The following DDX10 variants were observed in gnomAD, a reference collection of about 807,000 sequenced individuals.
The protein encoded by DDX10 is probable ATP-dependent RNA helicase DDX10.
In DDX10, 74 loss-of-function variants were observed where a neutral mutation model predicts 104.3. The observed-to-expected ratio is 0.71, with a 90% CI of 0.59 to 0.86. The LOEUF (loss-of-function observed/expected upper bound fraction) is 0.86, where lower values mean the gene tolerates loss of function less well. DDX10 is among the 40% of genes least tolerant of loss of function. The pLI is 0.00. For missense variants in DDX10, 952 were observed against 1,040.0 expected (o/e 0.92, Z 1.16); for synonymous variants, 351 against 353.4 (o/e 0.99, Z 0.08).
chr11:108,803,281 C>A (rs961483611), intron 13 of DDX10, among the ~76,000 whole-genome samples: 2 of 146,530 alleles, frequency 1.4e-5, no homozygotes, highest in Non-Finnish European at 3.0e-5. Flanking sequence ...TTTTAAAGAA[C>A]CTTGGAACCT....
intron 16 of DDX10, among the ~76,000 whole-genome samples, chr11:108,861,885 G>T (rs760209193): frequency 2.0e-5 from 3 of 152,106 alleles, no homozygotes; most frequent in Admixed American, 6.6e-5. Flanking sequence ...AATTAGCTGG[G>T]CATTGCGGTG....
chr11:108,778,688 A>G (rs1367510111), intron 13 of DDX10, among the ~76,000 whole-genome samples: 4 of 152,248 alleles, frequency 2.6e-5, no homozygotes, highest in Non-Finnish European at 5.9e-5. Context: ...GCCAAAATTG[A>G]CAAATGGGAT....
intron 13 of DDX10, among the ~76,000 whole-genome samples, chr11:108,747,236 A>G (rs978478392): frequency 1.3e-5 from 2 of 152,188 alleles, no homozygotes; most frequent in African/African-American, 4.8e-5. Flanking sequence ...GGTTATATAT[A>G]CAATAATTTA....
intron 15 of DDX10, among the ~76,000 whole-genome samples, chr11:108,844,605 G>C (rs1382391440): frequency 6.6e-6 from 1 of 152,212 alleles, no homozygotes; most frequent in Non-Finnish European, 1.5e-5. Context: ...GTGCTGTACT[G>C]TGGAATAACC....
At chr11:108,834,496 T>G (rs911735892) in intron 13 of DDX10, among the ~76,000 whole-genome samples, 1 of 152,192 alleles carries the variant, frequency 6.6e-6, no homozygotes, top group African/African-American at 2.4e-5. Context: ...TACATACACC[T>G]GTGTAACTCA....
chr11:108,723,078 C>A lies in DDX10; in HGVS notation c.1581C>A (p.Ser527Arg). 2 of 1,613,690 alleles carry A rather than the reference C, an allele frequency of 1.2e-6. No homozygotes were observed. The highest frequency in any genetic ancestry group is 1.7e-6 in the Non-Finnish European group (2 of 1,179,856). ...AACCCACCAAAGAATTGGTAAGGAGCCAAGCCGATAAAGTAATTGAGCCAA... is the reference window on the plus strand; with the variant it reads ...AACCCACCAAAGAATTGGTAAGGAGACAAGCCGATAAAGTAATTGAGCCAA... ...QKQPTKELVR[S>R]QADKVIEPRA... is the part of the protein sequence containing the mutation. The change falls in exon 13 of 18, where the codon AGC becomes AGA. Residue 527 changes from serine (S) to arginine (R), a missense_variant. Physicochemically the swap from Ser to Arg is moderately radical, Grantham distance 110 (BLOSUM62 -1). Coordinates refer to ENST00000322536, the MANE Select transcript of DDX10 (RefSeq NM_004398.4).
intron 13 of DDX10, among the ~76,000 whole-genome samples, chr11:108,786,581 G>A (rs1861795267): frequency 6.6e-6 from 1 of 152,168 alleles, no homozygotes; most frequent in Non-Finnish European, 1.5e-5. Flanking sequence ...TCTTCTTGTT[G>A]AATAGAACAC....
At chr11:108,680,984 C>T (rs960543104) in intron 6 of DDX10, among the ~76,000 whole-genome samples, 1 of 152,112 alleles carries the variant, frequency 6.6e-6, no homozygotes, top group African/African-American at 2.4e-5. Context: ...GGACATTGAT[C>T]TCTTAAAGAG....
chr11:108,723,537 A>C lies in DDX10; in HGVS notation c.1965+75A>C, dbSNP rs563146217. 1.0e-4 allele frequency: 148 copies of C among 1,428,554 alleles called. 1 individual carries two copies. The East Asian group carries it at 3.3e-3, about 32-fold the overall frequency. The allele number at this position is 1,428,554 out of a possible 1,614,324, so 88.5% of individuals were successfully genotyped here. A position where few individuals can be genotyped will look rare whatever the true frequency, so the allele number is the denominator to read the frequency against. On this transcript the variant is annotated intron_variant, in intron 13 of 17. Transcript: ENST00000322536. Reference sequence around the variant, plus strand: ...GCTTATTGTTGCCTTTTGGGGACTGAGAGAAAGTGAAAACTAAGAAACTTA... The same window carrying C: ...GCTTATTGTTGCCTTTTGGGGACTGCGAGAAAGTGAAAACTAAGAAACTTA...
intron 13 of DDX10, among the ~76,000 whole-genome samples, chr11:108,826,757 C>T (rs1175977739): frequency 1.3e-5 from 2 of 152,150 alleles, no homozygotes; most frequent in Non-Finnish European, 1.5e-5. Flanking sequence ...TTTGTGTCCT[C>T]TGGGTCCAAC....
intron 13 of DDX10, among the ~76,000 whole-genome samples, chr11:108,747,196 T>G (rs2094332863): frequency 6.6e-6 from 1 of 152,134 alleles, no homozygotes; most frequent in Non-Finnish European, 1.5e-5. Context: ...AAAACAGGGA[T>G]CACTTAAAAA....
At chr11:108,911,183 C>T (rs1277218615) in intron 16 of DDX10, among the ~76,000 whole-genome samples, 2 of 152,128 alleles carry the variant, frequency 1.3e-5, no homozygotes, top group Non-Finnish European at 2.9e-5. Flanking sequence ...TTCACTGCAG[C>T]ATGTCCAGAA....
chr11:108,715,476 A>G (rs2094290177), intron 10 of DDX10, among the ~76,000 whole-genome samples: 1 of 152,210 alleles, frequency 6.6e-6, no homozygotes, highest in South Asian at 2.1e-4. Context: ...GTGAGCTATG[A>G]TTGCACCACT....
At chr11:108,777,400 G>A (rs2094371363) in intron 13 of DDX10, among the ~76,000 whole-genome samples, 1 of 152,028 alleles carries the variant, frequency 6.6e-6, no homozygotes, top group Non-Finnish European at 1.5e-5. Flanking sequence ...CACCATCTCA[G>A]CTCACTGCAA....
intron 11 of DDX10, among the ~76,000 whole-genome samples, chr11:108,717,213 C>G (rs1272848330): frequency 6.6e-6 from 1 of 152,144 alleles, no homozygotes; most frequent in East Asian, 1.9e-4. Context: ...AAAGGTCACC[C>G]TAAGTCGATA....
chr11:108,808,413 G>T (rs1862130343), intron 13 of DDX10, among the ~76,000 whole-genome samples: 1 of 152,052 alleles, frequency 6.6e-6, no homozygotes, highest in African/African-American at 2.4e-5. Flanking sequence ...ATTTGTTTAT[G>T]TTAGAATAAT....
intron 16 of DDX10, among the ~76,000 whole-genome samples, chr11:108,859,738 A>G (rs1389918623): frequency 6.6e-6 from 1 of 152,212 alleles, no homozygotes; most frequent in Non-Finnish European, 1.5e-5. Context: ...CAGTTTCATT[A>G]TGTGGCTGAG....
At chr11:108,801,742 T>G (rs1281298102) in intron 13 of DDX10, among the ~76,000 whole-genome samples, 1 of 152,126 alleles carries the variant, frequency 6.6e-6, no homozygotes, top group Non-Finnish European at 1.5e-5. Context: ...AGGTTTGTTT[T>G]TTTTTTAAAC....
chr11:108,852,516 C>G (rs560662849), intron 16 of DDX10, among the ~76,000 whole-genome samples: 23 of 152,156 alleles, frequency 1.5e-4, no homozygotes, highest in Non-Finnish European at 3.1e-4. Flanking sequence ...CTATTAAATA[C>G]AAAAGGCAGT....
Sources: gnomAD v4.1 joint callset for allele counts (sites outside exome capture counted in the v4.1 genomes callset) on GRCh38, gnomAD v4.1.1 for gene constraint, MANE v1.5 for transcripts, NCBI Gene and HGNC (gene_info 2026-07-23, HGNC 2026-07-21) for gene names.